The following KIAA0232 variants were observed in gnomAD, a reference collection of about 807,000 sequenced individuals.
The protein encoded by KIAA0232 is uncharacterized protein KIAA0232.
A neutral mutation model predicts 122.0 loss-of-function variants in KIAA0232; 27 were observed. That is an observed-to-expected ratio of 0.22 (90% CI 0.16 to 0.31). KIAA0232 has a LOEUF of 0.31. KIAA0232 is among the 10% of genes least tolerant of loss of function. The pLI, the probability that KIAA0232 is intolerant of heterozygous loss-of-function variation, is 1.00. For synonymous variants in KIAA0232, 613 were observed against 587.6 expected (o/e 1.04, Z -0.63); for missense variants, 1,551 against 1,634.2 (o/e 0.95, Z 0.88).
chr4:6,847,501 G>C (rs576793888), intron 4 of KIAA0232, among the ~76,000 whole-genome samples: 1 of 152,212 alleles, frequency 6.6e-6, no homozygotes, highest in Non-Finnish European at 1.5e-5. Flanking sequence ...GGCTGTCCCT[G>C]TGTAAAAGTT....
chr4:6,791,819 T>C (rs935724778), intron 1 of KIAA0232, among the ~76,000 whole-genome samples: 10 of 152,220 alleles, frequency 6.6e-5, no homozygotes, highest in African/African-American at 2.2e-4. Context: ...GACATACAGA[T>C]TGATACGGGT....
At chr4:6,817,756 T>C (rs1718204761) in intron 2 of KIAA0232, among the ~76,000 whole-genome samples, 1 of 152,230 alleles carries the variant, frequency 6.6e-6, no homozygotes, top group African/African-American at 2.4e-5. Context: ...TTGCAGTGAC[T>C]GACAAGGAGG....
chr4:6,807,620 T>C (rs1188031743), intron 2 of KIAA0232, among the ~76,000 whole-genome samples: 1 of 152,248 alleles, frequency 6.6e-6, no homozygotes, highest in Admixed American at 6.5e-5. Flanking sequence ...TTACATAGTT[T>C]ATAGCCCTTG....
At chr4:6,827,136 G>A (rs911737296) in intron 3 of KIAA0232, among the ~76,000 whole-genome samples, 1 of 152,230 alleles carries the variant, frequency 6.6e-6, no homozygotes, top group Non-Finnish European at 1.5e-5. Flanking sequence ...TAACAGCCAT[G>A]TGTGCCAAGT....
At chr4:6,839,612 G>A (rs1719536378) in intron 3 of KIAA0232, among the ~76,000 whole-genome samples, 1 of 152,196 alleles carries the variant, frequency 6.6e-6, no homozygotes, top group Non-Finnish European at 1.5e-5. Flanking sequence ...CAAAGACACA[G>A]AAATAGGAGG....
At chr4:6,795,689 C>A (rs566100231) in intron 1 of KIAA0232, among the ~76,000 whole-genome samples, 1 of 152,228 alleles carries the variant, frequency 6.6e-6, no homozygotes, top group South Asian at 2.1e-4. Flanking sequence ...GTCTCCCAGG[C>A]TCAAGTAGTC....
At chr4:6,790,392 C>CTTT (rs10532360) in intron 1 of KIAA0232, among the ~76,000 whole-genome samples, 30 of 109,370 alleles carry the variant, frequency 2.7e-4, no homozygotes, top group Non-Finnish European at 4.4e-4. Flanking sequence ...TAAAAAAGGT[C>CTTT]TTTTTTTTTT....
intron 4 of KIAA0232, among the ~76,000 whole-genome samples, chr4:6,851,008 C>T (rs1474250100): frequency 6.6e-6 from 1 of 152,204 alleles, no homozygotes; most frequent in African/African-American, 2.4e-5. Context: ...TGCGTATGTA[C>T]AGTACTTTTT....
At chr4:6,814,784 C>G (rs997014238) in intron 2 of KIAA0232, among the ~76,000 whole-genome samples, 1 of 152,106 alleles carries the variant, frequency 6.6e-6, no homozygotes, top group Admixed American at 6.5e-5. Flanking sequence ...AGTGTACTTT[C>G]CACTCGCCAT....
At chr4:6,854,208 G>T (rs1452295700) in intron 4 of KIAA0232, among the ~76,000 whole-genome samples, 2 of 152,178 alleles carry the variant, frequency 1.3e-5, no homozygotes, top group Non-Finnish European at 2.9e-5. Flanking sequence ...AAGTGACTAA[G>T]GTGACAGGGA....
At chr4:6,819,719 C>G (rs1718328169) in intron 2 of KIAA0232, among the ~76,000 whole-genome samples, 1 of 152,170 alleles carries the variant, frequency 6.6e-6, no homozygotes, top group South Asian at 2.1e-4. Context: ...TAAAACAGAA[C>G]TACCATTTGA....
At chr4:6,796,442 A>C (rs1717138418) in intron 1 of KIAA0232, among the ~76,000 whole-genome samples, 2 of 152,146 alleles carry the variant, frequency 1.3e-5, no homozygotes, top group Admixed American at 6.5e-5. Context: ...GCATTTTGCC[A>C]TGTTGACCAG....
At chr4:6,828,736 C>T (rs1160322033) in intron 3 of KIAA0232, among the ~76,000 whole-genome samples, 2 of 152,148 alleles carry the variant, frequency 1.3e-5, no homozygotes, top group African/African-American at 2.4e-5. Flanking sequence ...TCGTTGTTTA[C>T]GTGTATGTTT....
chr4:6,810,018 A>G (rs192881332), intron 2 of KIAA0232, among the ~76,000 whole-genome samples: 89 of 152,338 alleles, frequency 5.8e-4, no homozygotes, highest in Non-Finnish European at 2.2e-4. Flanking sequence ...AGCAATCTAC[A>G]GATTCAATGT....
intron 1 of KIAA0232, among the ~76,000 whole-genome samples, chr4:6,794,078 G>C (rs1717023621): frequency 6.6e-6 from 1 of 152,230 alleles, no homozygotes; most frequent in Admixed American, 6.5e-5. Flanking sequence ...GGAATTAAGG[G>C]TAAGGCGAGA....
chr4:6,800,450 G>A (rs1174387407), intron 1 of KIAA0232, among the ~76,000 whole-genome samples: 1 of 151,422 alleles, frequency 6.6e-6, no homozygotes, highest in Non-Finnish European at 1.5e-5. Flanking sequence ...GGGAGGCCAA[G>A]GCAGGCGGAT....
At chr4:6,803,602 A>G (rs1050098725) in intron 1 of KIAA0232, among the ~76,000 whole-genome samples, 9 of 152,226 alleles carry the variant, frequency 5.9e-5, no homozygotes, top group Non-Finnish European at 1.2e-4. Flanking sequence ...ATATTCACTT[A>G]AAGAGAATAC....
At chr4:6,842,881 G>A (rs1057209691) in intron 4 of KIAA0232, among the ~76,000 whole-genome samples, 3 of 152,040 alleles carry the variant, frequency 2.0e-5, no homozygotes, top group Admixed American at 6.6e-5. Flanking sequence ...GAGCCATCGC[G>A]CCCGGCCCGC....
intron 3 of KIAA0232, among the ~76,000 whole-genome samples, chr4:6,836,285 G>T (rs1261819962): frequency 1.3e-5 from 2 of 148,942 alleles, no homozygotes; most frequent in Non-Finnish European, 3.0e-5. Context: ...AAGTGTCTAT[G>T]CATATCCTTT....
Sources: allele counts gnomAD v4.1 joint callset (sites outside exome capture counted in the v4.1 genomes callset), GRCh38; gene constraint gnomAD v4.1.1; transcripts MANE v1.5; gene names NCBI Gene and HGNC (gene_info 2026-07-23, HGNC 2026-07-21).